The following CSMD1 variants were observed in gnomAD, a reference collection of about 807,000 sequenced individuals.
CSMD1 encodes CUB and Sushi multiple domains 1, also known as CUB and sushi domain-containing protein 1.
A neutral mutation model predicts 417.5 loss-of-function variants in CSMD1; 213 were observed. The observed-to-expected ratio is 0.51, with a 90% CI of 0.46 to 0.57. The LOEUF (loss-of-function observed/expected upper bound fraction) is 0.57. Among genes scored for constraint, CSMD1 ranks in the 20% least tolerant of loss-of-function variants. CSMD1 has a pLI of 0.00. For missense variants in CSMD1, 6,923 were observed against 4,529.7 expected (o/e 1.53, Z -15.17); for synonymous variants, 2,862 against 1,736.8 (o/e 1.65, Z -16.11).
chr8:4,889,644 A>T (rs1726323218), intron 1 of CSMD1, among the ~76,000 whole-genome samples: 1 of 152,108 alleles, frequency 6.6e-6, no homozygotes, highest in African/African-American at 2.4e-5. Context: ...GCCATAAGAG[A>T]CTGCAAATAT....
At chr8:4,405,823 G>A (rs143590296) in intron 3 of CSMD1, among the ~76,000 whole-genome samples, 5 of 152,224 alleles carry the variant, frequency 3.3e-5, no homozygotes, top group East Asian at 1.9e-4. Flanking sequence ...GGAGCAGTGC[G>A]TGCCTCCAAG....
chr8:4,171,565 G>A (rs1015685873), intron 3 of CSMD1, among the ~76,000 whole-genome samples: 4 of 151,654 alleles, frequency 2.6e-5, no homozygotes, highest in Non-Finnish European at 5.9e-5. Context: ...TGGATATGGA[G>A]TGATACGTTG....
chr8:3,892,928 A>G (rs893192135), intron 5 of CSMD1, among the ~76,000 whole-genome samples: 4 of 150,850 alleles, frequency 2.7e-5, no homozygotes, highest in Admixed American at 2.0e-4. Context: ...TCTCTGTGAA[A>G]TTAACTTGAA....
chr8:4,914,767 C>T (rs538007502), intron 1 of CSMD1, among the ~76,000 whole-genome samples: 2 of 152,244 alleles, frequency 1.3e-5, no homozygotes, highest in South Asian at 4.2e-4. Context: ...GTTTACGTCA[C>T]TACCTGCATG....
intron 3 of CSMD1, among the ~76,000 whole-genome samples, chr8:4,229,110 C>T (rs559575145): frequency 6.6e-6 from 1 of 152,362 alleles, no homozygotes; most frequent in African/African-American, 2.4e-5. Flanking sequence ...TGCTTTTCCA[C>T]ACAGTCTTCC....
At chr8:3,804,671 T>C (rs1800631997) in intron 5 of CSMD1, among the ~76,000 whole-genome samples, 2 of 151,992 alleles carry the variant, frequency 1.3e-5, no homozygotes, top group African/African-American at 4.8e-5. Context: ...GAAAGAAAAA[T>C]TAAGAGAAAT....
At chr8:3,364,077 T>C (rs1337545494) in intron 20 of CSMD1, among the ~76,000 whole-genome samples, 1 of 152,132 alleles carries the variant, frequency 6.6e-6, no homozygotes, top group East Asian at 1.9e-4. Context: ...AGCATATGAA[T>C]ACCATTTATG....
In CSMD1 at chr8:3,645,022, C is replaced by G. The variant is rs539989243; in HGVS notation, c.1010-28225G>C. Among the ~76,000 whole-genome samples, 4 of 146,554 alleles carry G rather than the reference C, an allele frequency of 2.7e-5. No individual in the cohort carries two copies. In the East Asian group the frequency reaches 5.9e-4, roughly 22 times the overall value. On this transcript the variant is annotated intron_variant, in intron 7 of 69. Coordinates refer to ENST00000635120, the MANE Select transcript of CSMD1 (RefSeq NM_033225.6). ...TTGTTCTTTCAAACTCGCATTTCTTCCTTTCTGTCCTCTACTCCTCATCTG... is the reference window on the plus strand; with the variant it reads ...TTGTTCTTTCAAACTCGCATTTCTTGCTTTCTGTCCTCTACTCCTCATCTG...
intron 23 of CSMD1, among the ~76,000 whole-genome samples, chr8:3,326,186 G>A (rs770858438): frequency 6.6e-6 from 1 of 152,302 alleles, no homozygotes. Context: ...CCGTCTTCGC[G>A]ATGATATACA....
rs553801777 is a variant in CSMD1, at chr8:2,951,559, ATGGGCTATGG to A, written c.10040-294_10040-285del. 1.6e-3 allele frequency among the ~76,000 whole-genome samples: 237 copies of A among 152,304 alleles called. 1 individual carries two copies. Among genetic ancestry groups the A allele is most frequent in the Non-Finnish European group, 2.2e-3 (147 of 68,022 alleles). ...CTACTTTAACAGCCCTTCCAAGCTC[ATGGGCTATGG>A]TGAACTGGTACTTCTAATGCTAGTT... On this transcript the variant is annotated intron_variant, in intron 65 of 69. Transcript: ENST00000635120.
chr8:3,546,982 C>A (rs1038315248), intron 10 of CSMD1, among the ~76,000 whole-genome samples: 1 of 152,140 alleles, frequency 6.6e-6, no homozygotes, highest in African/African-American at 2.4e-5. Flanking sequence ...AAGGGAAGAG[C>A]AAAACTGAAC....
intron 49 of CSMD1, among the ~76,000 whole-genome samples, chr8:3,068,191 T>C (rs1435375960): frequency 1.3e-5 from 2 of 152,200 alleles, no homozygotes; most frequent in African/African-American, 2.4e-5. Flanking sequence ...GTGGTAATTT[T>C]CTTCTTGTCA....
At chr8:3,565,297 T>C (rs1799657271) in intron 10 of CSMD1, among the ~76,000 whole-genome samples, 4 of 151,844 alleles carry the variant, frequency 2.6e-5, no homozygotes, top group South Asian at 4.2e-4. Context: ...GGCGTCCTCC[T>C]TTCCCCAGTG....
chr8:3,902,708 A>T (rs1451606188), intron 5 of CSMD1, among the ~76,000 whole-genome samples: 1 of 152,112 alleles, frequency 6.6e-6, no homozygotes, highest in African/African-American at 2.4e-5. Context: ...GTGGACTGGT[A>T]CCAGTCCATG....
chr8:3,306,873 G>A (rs1804899412), intron 25 of CSMD1, among the ~76,000 whole-genome samples: 1 of 150,982 alleles, frequency 6.6e-6, no homozygotes, highest in Admixed American at 6.6e-5. Flanking sequence ...ATTACTTTTT[G>A]TTGGTTTAAA....
chr8:3,405,448 A>G (rs374177492), intron 15 of CSMD1, among the ~76,000 whole-genome samples: 1 of 152,216 alleles, frequency 6.6e-6, no homozygotes, highest in Admixed American at 6.5e-5. Context: ...GGCTGTAACA[A>G]GAACAACAAA....
intron 25 of CSMD1, among the ~76,000 whole-genome samples, chr8:3,301,791 T>G (rs1030881070): frequency 6.6e-6 from 1 of 151,936 alleles, no homozygotes; most frequent in African/African-American, 2.4e-5. Flanking sequence ...TTTGAGAGAT[T>G]GGAGAGAATA....
In CSMD1 at chr8:3,440,360, C is replaced by T. The variant is rs1446222730; in HGVS notation, c.1561+28352G>A. ...TAGTTTTCAGTCTATGAGTCCTATA[C>T]ATATACAGTTTTCTTTAGATTTCCA... On this transcript the variant is annotated intron_variant, in intron 12 of 69. Transcript: ENST00000635120. 2.0e-5 allele frequency among the ~76,000 whole-genome samples: 3 copies of T among 152,160 alleles called. No homozygotes were observed. The East Asian group carries it at 5.8e-4, about 29-fold the overall frequency.
intron 5 of CSMD1, among the ~76,000 whole-genome samples, chr8:3,966,996 G>A (rs545911054): frequency 2.0e-5 from 3 of 152,138 alleles, no homozygotes; most frequent in South Asian, 2.1e-4. Context: ...ATCTTCCACT[G>A]TAGAGTGTCA....
Sources: gnomAD v4.1 joint callset for allele counts (sites outside exome capture counted in the v4.1 genomes callset) on GRCh38, gnomAD v4.1.1 for gene constraint, MANE v1.5 for transcripts, NCBI Gene and HGNC (gene_info 2026-07-23, HGNC 2026-07-21) for gene names.